Variants in XPA observed in about 807,000 individuals in gnomAD.
The protein encoded by XPA is DNA repair protein complementing XP-A cells.
Under a neutral mutation model 35.7 loss-of-function variants are expected in XPA, and 27 were observed. That is an observed-to-expected ratio of 0.76 (90% confidence interval 0.56 to 1.04). XPA has a LOEUF of 1.04. Among genes scored for constraint, XPA ranks in the 50% least tolerant of loss-of-function variants. XPA has a pLI of 0.00. For missense variants in XPA, 354 were observed against 342.7 expected (o/e 1.03, Z -0.26); for synonymous variants, 133 against 118.4 (o/e 1.12, Z -0.80).
rs979996257 is a variant in XPA at position 97,683,713 on chromosome 9, T to C, written c.673+1210A>G. 4.6e-5 allele frequency among the ~76,000 whole-genome samples: 7 copies of C among 152,164 alleles called. No homozygotes were observed. The South Asian group carries it at 1.2e-3, about 27-fold the overall frequency. The stretch of plus-strand genomic sequence containing the variant: ...CTTTGTAATTCTCTTTTCTGCACTG[T>C]AACTGAATTACACTTGTAATGACAA... On this transcript the variant is annotated intron_variant, in intron 5 of 5. Coordinates refer to ENST00000375128, the MANE Select transcript of XPA (RefSeq NM_000380.4).
chr9:97,661,168 A>G, the XPA span: 28 of 1,471,326 alleles, frequency 1.9e-5, no homozygotes, highest in South Asian at 3.7e-5. Context: ...CAATATATCT[A>G]TATCTGTTTG....
chr9:97,656,513 T>C, the XPA span, among the ~76,000 whole-genome samples: 1 of 152,098 alleles, frequency 6.6e-6, no homozygotes, highest in Non-Finnish European at 1.5e-5. Flanking sequence ...ATGGCGCCAC[T>C]GCACTCCAAT....
chr9:97,672,866 C>A (rs1338596388), downstream of XPA: 1 of 153,184 alleles, frequency 6.5e-6, no homozygotes. Context: ...CAGTGGCTCA[C>A]GCCTGTAATC....
At chr9:97,696,261 T>C (rs1383434877) in intron 1 of XPA, among the ~76,000 whole-genome samples, 3 of 152,218 alleles carry the variant, frequency 2.0e-5, no homozygotes, top group Non-Finnish European at 4.4e-5. Flanking sequence ...TAGGAACACA[T>C]GTACTTCATG....
At chr9:97,671,228 T>C (rs1413245911), downstream of XPA, 3 of 1,449,968 alleles carry the variant, frequency 2.1e-6, no homozygotes, top group Non-Finnish European at 2.9e-6. Flanking sequence ...GTCAAGGTTT[T>C]TTTTGATATC....
chr9:97,660,886 T>C, the XPA span: 1 of 1,528,372 alleles, frequency 6.5e-7, no homozygotes, highest in Admixed American at 2.2e-5. Context: ...ATTTAACTGT[T>C]CATTAGAATA....
chr9:97,658,462 G>A, the XPA span, among the ~76,000 whole-genome samples: 16 of 152,206 alleles, frequency 1.1e-4, no homozygotes, highest in African/African-American at 3.9e-4. Context: ...TTTGCAGTAT[G>A]CCTGAGATTT....
At chr9:97,673,954 T>TC (rs1203871198), downstream of XPA, among the ~76,000 whole-genome samples, 1 of 152,202 alleles carries the variant, frequency 6.6e-6, no homozygotes, top group African/African-American at 2.4e-5. Flanking sequence ...TAATACATGC[T>TC]CATTAACTAG....
chr9:97,686,904 T>C (rs983838386), intron 4 of XPA, among the ~76,000 whole-genome samples, 192 bp downstream of exon 4: 4 of 151,702 alleles, frequency 2.6e-5, no homozygotes, highest in African/African-American at 9.7e-5. Flanking sequence ...CCTTATTGTT[T>C]GAAAAAAGAA....
chr9:97,660,331 G>A, the XPA span, among the ~76,000 whole-genome samples: 1 of 152,114 alleles, frequency 6.6e-6, no homozygotes, highest in South Asian at 2.1e-4. Context: ...GCCTTACGGT[G>A]TATATTAGCA....
the XPA span, chr9:97,656,139 TCTC>T: frequency 2.2e-6 from 3 of 1,368,418 alleles, no homozygotes; most frequent in East Asian, 2.3e-5. Flanking sequence ...TTCTTTCTCT[TCTC>T]TGCACTTGTG....
rs767146537 is a variant in XPA, at chr9:97,675,399, A to G, written c.*40T>C. 8 of 1,568,486 alleles carry G rather than the reference A, an allele frequency of 5.1e-6. No homozygotes were observed. In the South Asian group the frequency reaches 9.7e-5, roughly 19 times the overall value. On this transcript the variant is annotated 3_prime_UTR_variant, in exon 6 of 6. Transcript: ENST00000375128. ...GGACCAATCTAAATTTCCTTTATTT[A>G]AATATAAAATTCTATAAAACAGGTC...
downstream of XPA, chr9:97,673,210 T>C (rs1455087158): frequency 1.3e-5 from 2 of 152,198 alleles, no homozygotes; most frequent in African/African-American, 2.4e-5. Context: ...CAGTGGGCTA[T>C]TGGTGGTTAA....
chr9:97,656,961 TTTTTG>T, the XPA span, among the ~76,000 whole-genome samples: 5 of 152,098 alleles, frequency 3.3e-5, no homozygotes, highest in Admixed American at 6.5e-5. Context: ...TGGAGTGTTT[TTTTTG>T]TTTTGTTTTG....
the XPA span, among the ~76,000 whole-genome samples, chr9:97,665,595 C>G: frequency 6.6e-6 from 1 of 152,208 alleles, no homozygotes; most frequent in South Asian, 2.1e-4. Flanking sequence ...TTAAAGTGCT[C>G]TGCTCTTTTG....
intron 5 of XPA, among the ~76,000 whole-genome samples, chr9:97,676,540 C>T (rs891504326): frequency 2.0e-5 from 3 of 152,146 alleles, no homozygotes; most frequent in Non-Finnish European, 4.4e-5. Flanking sequence ...CAAGTAATCA[C>T]ATATTTTCCC....
At position 97,686,964 on chromosome 9, in the gene XPA, A is replaced by G. The variant is rs1385808172; in HGVS notation, c.555+132T>C. The G allele has an allele frequency of 1.8e-5, 15 of 833,500 alleles. No individual in the cohort carries two copies. The Admixed American group carries it at 3.5e-4, about 20-fold the overall frequency. 51.6% of individuals were successfully genotyped at this position (833,500 alleles called of 1,614,324 possible). On this transcript the variant is annotated intron_variant, in intron 4 of 5. Coordinates refer to ENST00000375128, the MANE Select transcript of XPA (RefSeq NM_000380.4). ...ATGTTATTAAATGTCATTATACATG[A>G]CTGTGAAGCATATGCAAAACTAGGG...
rs757789543 is a variant in XPA, at chr9:97,697,298, G to A, written c.-6C>T. ...GCCCCGTCGGCCGCCGCCATCTCTGGCCCACTCCGAGGACCTAGCTCCCAG... is the reference window on the plus strand; with the variant it reads ...GCCCCGTCGGCCGCCGCCATCTCTGACCCACTCCGAGGACCTAGCTCCCAG... On this transcript the variant is annotated 5_prime_UTR_variant, in exon 1 of 6. Transcript: ENST00000375128. 6 of 1,597,546 alleles carry A rather than the reference G, an allele frequency of 3.8e-6. No individual in the cohort carries two copies. The highest frequency in any genetic ancestry group is 3.3e-5 in the South Asian group (3 of 91,024).
Position 97,684,945 on chromosome 9 carries a change from C to A in XPA, c.651G>T (p.Lys217Asn), listed in dbSNP as rs1256499901. 1 of 1,613,226 alleles carries A rather than the reference C, an allele frequency of 6.2e-7. No individual in the cohort carries two copies. The highest frequency in any genetic ancestry group is 8.5e-7 in the Non-Finnish European group (1 of 1,179,542). The stretch of plus-strand genomic sequence containing the variant: ...TACCTTTTACTTTTTTATCAAATTT[C>A]TTCTGTTTCATTTTTTCTCGGTTTT... ...RQENREKMKQ[K>N]KFDKKVKELR... Residue 217 changes from lysine (K) to asparagine (N), a missense_variant, in exon 5 of 6, where the codon AAG (lysine) becomes AAT (asparagine). Coordinates refer to ENST00000375128, the MANE Select transcript of XPA (RefSeq NM_000380.4).
Sources: gnomAD v4.1 joint callset for allele counts (sites outside exome capture counted in the v4.1 genomes callset) on GRCh38, gnomAD v4.1.1 for gene constraint, MANE v1.5 for transcripts, NCBI Gene and HGNC (gene_info 2026-07-23, HGNC 2026-07-21) for gene names.